Variants in COL22A1 observed in about 807,000 individuals in gnomAD.
COL22A1 encodes the protein collagen type XXII alpha 1 chain.
COL22A1 carries 221 observed loss-of-function variants against 248.9 expected under a neutral mutation model. That is an observed-to-expected ratio of 0.89 (90% confidence interval 0.80 to 0.99). The LOEUF (loss-of-function observed/expected upper bound fraction) is 0.99. Among genes scored for constraint, COL22A1 ranks in the 50% least tolerant of loss-of-function variants. The pLI is 0.00. For synonymous variants in COL22A1, 891 were observed against 793.4 expected (o/e 1.12, Z -2.07); for missense variants, 2,240 against 2,179.0 (o/e 1.03, Z -0.56).
intron 44 of COL22A1, among the ~76,000 whole-genome samples, chr8:138,656,988 G>C (rs953036043): frequency 2.0e-5 from 3 of 152,198 alleles, no homozygotes; most frequent in Non-Finnish European, 4.4e-5. Context: ...CCATGAAACA[G>C]GTAACACGAG....
chr8:138,901,930 C>T (rs1178996652), intron 1 of COL22A1, among the ~76,000 whole-genome samples: 1 of 151,876 alleles, frequency 6.6e-6, no homozygotes, highest in Non-Finnish European at 1.5e-5. Context: ...TCCCCTGCTC[C>T]CCGAGACATG....
chr8:138,613,181 G>C (rs1186784294), intron 56 of COL22A1, among the ~76,000 whole-genome samples: 4 of 151,666 alleles, frequency 2.6e-5, no homozygotes, highest in Admixed American at 2.6e-4. Context: ...CTGGGAGGTG[G>C]AGCTTGCAGT....
At chr8:138,713,993 G>A (rs1023495866) in intron 30 of COL22A1, among the ~76,000 whole-genome samples, 4 of 152,116 alleles carry the variant, frequency 2.6e-5, no homozygotes, top group Non-Finnish European at 5.9e-5. Flanking sequence ...CCCGGACCAC[G>A]TGTGCCAAGT....
chr8:138,900,524 T>G (rs1298202163), intron 1 of COL22A1, among the ~76,000 whole-genome samples: 1 of 152,214 alleles, frequency 6.6e-6, no homozygotes, highest in South Asian at 2.1e-4. Flanking sequence ...TTTTATCACT[T>G]CCTTAAGAAG....
intron 35 of COL22A1, among the ~76,000 whole-genome samples, chr8:138,692,235 C>G (rs1164718789): frequency 3.4e-4 from 2 of 5,894 alleles, no homozygotes; most frequent in Admixed American, 2.8e-3. Flanking sequence ...CGTGCATGTG[C>G]ATGTTTGTGG....
intron 16 of COL22A1, among the ~76,000 whole-genome samples, chr8:138,769,593 G>A (rs1450111252): frequency 1.3e-5 from 2 of 152,122 alleles, no homozygotes; most frequent in African/African-American, 4.8e-5. Flanking sequence ...ACATCCTAAG[G>A]TGTCTCGGGA....
In COL22A1 at chr8:138,591,405, A is replaced by T; in HGVS notation, c.4693+19T>A. 1 of 1,560,296 alleles carries T rather than the reference A, an allele frequency of 6.4e-7. No homozygotes were observed. Among genetic ancestry groups the T allele is most frequent in the Non-Finnish European group, 8.7e-7 (1 of 1,152,018 alleles). ...GGGTAGCTCACACCCTACCCCTGAGACTGCAGAATGAGTCATACCTGGGAT... is the reference window on the plus strand; with the variant it reads ...GGGTAGCTCACACCCTACCCCTGAGTCTGCAGAATGAGTCATACCTGGGAT... On this transcript the variant is annotated intron_variant, in intron 64 of 64. Coordinates refer to ENST00000303045, the MANE Select transcript of COL22A1 (RefSeq NM_152888.3).
intron 30 of COL22A1, among the ~76,000 whole-genome samples, chr8:138,708,518 C>T (rs921977835): frequency 1.3e-5 from 2 of 152,096 alleles, no homozygotes; most frequent in Non-Finnish European, 2.9e-5. Flanking sequence ...ACAAACATGA[C>T]AAAAACAAGA....
intron 39 of COL22A1, 56 bp downstream of exon 39, chr8:138,684,369 G>T: frequency 8.7e-7 from 1 of 1,151,956 alleles, no homozygotes; most frequent in Non-Finnish European, 1.3e-6. Context: ...ATTTTTCCAC[G>T]TTCTCTTTCA....
chr8:138,869,350 G>T (rs767685376), intron 3 of COL22A1, among the ~76,000 whole-genome samples: 1 of 152,228 alleles, frequency 6.6e-6, no homozygotes, highest in Non-Finnish European at 1.5e-5. Context: ...AGAGGTGATG[G>T]TGCAAGCTGC....
At chr8:138,803,580 GGGCATTCAATTTGTATAACAA>G (rs1306662539) in intron 10 of COL22A1, among the ~76,000 whole-genome samples, 93 of 152,220 alleles carry the variant, frequency 6.1e-4, no homozygotes, top group African/African-American at 2.1e-3. Flanking sequence ...AGAGTCCCCT[GGGCATTCAATTTGTATAACAA>G]GTCCATCCCT....
intron 47 of COL22A1, among the ~76,000 whole-genome samples, chr8:138,645,906 C>A (rs747943856): frequency 1.3e-5 from 2 of 152,178 alleles, no homozygotes; most frequent in Admixed American, 1.3e-4. Flanking sequence ...GATAAGGGAG[C>A]ACACTCTGGG....
At chr8:138,857,919 T>C (rs1822163512) in intron 3 of COL22A1, among the ~76,000 whole-genome samples, 1 of 152,206 alleles carries the variant, frequency 6.6e-6, no homozygotes, top group African/African-American at 2.4e-5. Flanking sequence ...GGTCGCCTGC[T>C]GAAGGGTATA....
At chr8:138,614,043 A>G in intron 55 of COL22A1, 123 bp from the exon 56 acceptor site, 1 of 758,306 alleles carries the variant, frequency 1.3e-6, no homozygotes, top group Non-Finnish European at 2.3e-6. Flanking sequence ...ATTGTCCAGC[A>G]TGTTTCATCA....
chr8:138,730,635 T>G lies in COL22A1; in HGVS notation c.2140-5195A>C, dbSNP rs568764304. Among the ~76,000 whole-genome samples the G allele has an allele frequency of 2.0e-3, 303 of 152,248 alleles. 2 individuals are homozygous for G. The highest frequency in any genetic ancestry group is 3.2e-3 in the Non-Finnish European group (215 of 68,022). On this transcript the variant is annotated intron_variant, in intron 23 of 64. Coordinates refer to ENST00000303045, the MANE Select transcript of COL22A1 (RefSeq NM_152888.3). ...ACTTTCTGTGCAGAATTGTTTTGTA[T>G]AAAAACCATGGCTTCCGGCATGTAG...
chr8:138,728,513 T>G (rs1012350015), intron 23 of COL22A1, among the ~76,000 whole-genome samples: 47 of 152,018 alleles, frequency 3.1e-4, no homozygotes, highest in African/African-American at 1.1e-3. Context: ...TCAAAAAAGG[T>G]GAGCCCAGGA....
chr8:138,886,104 T>A (rs1415675896), intron 1 of COL22A1, among the ~76,000 whole-genome samples: 1 of 152,172 alleles, frequency 6.6e-6, no homozygotes, highest in Non-Finnish European at 1.5e-5. Context: ...GAGAAATTAT[T>A]CCCCGTATCA....
intron 12 of COL22A1, among the ~76,000 whole-genome samples, chr8:138,786,663 T>C (rs987666994): frequency 6.6e-6 from 1 of 152,188 alleles, no homozygotes; most frequent in Non-Finnish European, 1.5e-5. Context: ...CCCAGCACTT[T>C]GGGAGGCCAA....
At chr8:138,642,131 C>T (rs1055724756) in intron 47 of COL22A1, among the ~76,000 whole-genome samples, 1 of 152,050 alleles carries the variant, frequency 6.6e-6, no homozygotes, top group African/African-American at 2.4e-5. Flanking sequence ...AGCATTGCAC[C>T]CCATTAGGAG....
Sources: allele counts gnomAD v4.1 joint callset (sites outside exome capture counted in the v4.1 genomes callset), GRCh38; gene constraint gnomAD v4.1.1; transcripts MANE v1.5; gene names NCBI Gene and HGNC (gene_info 2026-07-23, HGNC 2026-07-21).